INTS14: variants seen among roughly 807,000 people sequenced by gnomAD.
INTS14 encodes the protein UPF0464 protein C15orf44.
A neutral mutation model predicts 56.9 loss-of-function variants in INTS14; 27 were observed. That is an observed-to-expected ratio of 0.47 (90% CI 0.35 to 0.65). The LOEUF (loss-of-function observed/expected upper bound fraction) is 0.65. Among genes scored for constraint, INTS14 ranks in the 30% least tolerant of loss-of-function variants. INTS14 has a pLI of 0.00. For missense variants in INTS14, 517 were observed against 632.2 expected, an observed-to-expected ratio of 0.82 and a Z score of 1.95; for synonymous variants, 207 against 236.2, an observed-to-expected ratio of 0.88 and a Z score of 1.13.
intron 6 of INTS14, 139 bp downstream of exon 6, chr15:65,598,182 T>C (rs1409036376): frequency 3.7e-6 from 3 of 800,552 alleles, no homozygotes; most frequent in Admixed American, 3.1e-5. Context: ...CCAAGCATTT[T>C]GGGTAAGGAA....
intron 2 of INTS14, among the ~76,000 whole-genome samples, chr15:65,605,754 C>T (rs952620647): frequency 2.6e-5 from 4 of 152,142 alleles, no homozygotes. Flanking sequence ...GACTTCAGGG[C>T]TCCTGGTCTA....
Position 65,595,841 on chromosome 15 carries a change from C to A in INTS14, c.749-16G>T. ...ATTTCCAAATCTGAAATGAAGGAAT[C>A]AACACAGAATTAATTCATTCTATGG... On this transcript the variant is annotated splice_polypyrimidine_tract_variant and intron_variant, in intron 6 of 11. Transcript: ENST00000313182. The A allele has an allele frequency of 1.3e-6, 2 of 1,551,940 alleles. No homozygotes were observed. Among genetic ancestry groups the A allele is most frequent in the South Asian group, 2.3e-5 (2 of 85,774 alleles).
intron 6 of INTS14, 74 bp downstream of exon 6, chr15:65,598,247 A>G: frequency 7.0e-7 from 1 of 1,427,688 alleles, no homozygotes; most frequent in Admixed American, 1.9e-5. Context: ...GACAGAGAAG[A>G]GAGTAAAAGT....
intron 3 of INTS14, among the ~76,000 whole-genome samples, chr15:65,602,172 G>C (rs1471720559): frequency 1.3e-5 from 2 of 152,180 alleles, no homozygotes; most frequent in South Asian, 4.1e-4. Flanking sequence ...CCCGGAGGCA[G>C]AGGCTGCAGT....
Position 65,607,168 on chromosome 15 carries a change from A to G in INTS14, c.213T>C (p.Asn71=). 3 of 1,614,194 alleles carry G rather than the reference A, an allele frequency of 1.9e-6. No homozygotes were observed. The highest frequency in any genetic ancestry group is 2.5e-6 in the Non-Finnish European group (3 of 1,180,022). ...ELMVPFTRDY[N]TLQEALSNMD... ...TTACTACATTTTGTACCTGTAGGGT[A>G]TTATAATCTCTCGTGAAGGGGACCA... The change falls in exon 2 of 12, where the codon AAT becomes AAC. Residue 71 remains asparagine, a synonymous_variant. Transcript: ENST00000313182.
intron 9 of INTS14, among the ~76,000 whole-genome samples, chr15:65,585,954 A>C (rs1027410743): frequency 6.6e-6 from 1 of 152,200 alleles, no homozygotes; most frequent in Non-Finnish European, 1.5e-5. Context: ...ATTTGTCAAT[A>C]TATAAACCTT....
intron 9 of INTS14, among the ~76,000 whole-genome samples, chr15:65,586,128 T>C (rs1167611160): frequency 6.6e-6 from 1 of 152,162 alleles, no homozygotes; most frequent in African/African-American, 2.4e-5. Flanking sequence ...CCCCACTACG[T>C]AGCAAGCACT....
intron 3 of INTS14, among the ~76,000 whole-genome samples, chr15:65,600,279 C>G (rs1319569897): frequency 6.8e-6 from 1 of 146,810 alleles, no homozygotes; most frequent in Non-Finnish European, 1.5e-5. Context: ...TCACTGTACT[C>G]CAGCCTAGGC....
At chr15:65,599,984 G>C in intron 3 of INTS14, 55 bp from the exon 4 acceptor site, 1 of 1,558,764 alleles carries the variant, frequency 6.4e-7, no homozygotes, top group South Asian at 1.2e-5. Context: ...ATTTAACGCA[G>C]TCCCATTTAG....
chr15:65,611,108 T>C lies in INTS14; in HGVS notation c.-73A>G, dbSNP rs544988734. On this transcript the variant is annotated 5_prime_UTR_variant, in exon 1 of 12. It removes an upstream start codon present in the reference 5' UTR. Transcript: ENST00000313182. ...GGCCTCCCCACTCACCCCGTGCCCA[T>C]CGCCGGACACAGTCCGTCGGCATAA... The C allele has an allele frequency of 1.5e-4, 235 of 1,535,606 alleles. No homozygotes were observed. In the African/African-American group the frequency reaches 3.0e-3, roughly 20 times the overall value.
intron 3 of INTS14, among the ~76,000 whole-genome samples, chr15:65,604,281 A>G (rs1399034596): frequency 6.6e-6 from 1 of 152,016 alleles, no homozygotes; most frequent in East Asian, 1.9e-4. Context: ...TGGGGGTTTC[A>G]CCATGTTGGC....
chr15:65,593,270 A>C (rs1289599030), intron 8 of INTS14, among the ~76,000 whole-genome samples, 158 bp downstream of exon 8: 1 of 152,024 alleles, frequency 6.6e-6, no homozygotes, highest in Non-Finnish European at 1.5e-5. Flanking sequence ...AAAAAAACAA[A>C]AAAAAAGGAC....
intron 1 of INTS14, chr15:65,610,590 C>G: frequency 1.5e-6 from 2 of 1,373,128 alleles, no homozygotes; most frequent in Non-Finnish European, 2.0e-6. Flanking sequence ...GTTTGTAATT[C>G]TTCCCTGAAG....
chr15:65,596,563 C>A (rs969367488), intron 6 of INTS14, among the ~76,000 whole-genome samples: 6 of 151,984 alleles, frequency 3.9e-5, no homozygotes, highest in African/African-American at 1.5e-4. Context: ...ATGGTGAACA[C>A]CTTATATTTC....
Position 65,579,375 on chromosome 15 carries a change from A to G in INTS14, c.*33T>C. 1.3e-6 allele frequency: 2 copies of G among 1,596,354 alleles called. No individual in the cohort carries two copies. Among genetic ancestry groups the G allele is most frequent in the Non-Finnish European group, 1.7e-6 (2 of 1,167,360 alleles). ...TTTACCTAAAGCATTTTCAGTTGAA[A>G]TGAAAAAAGAAGGAAAGCTCCAAAA... On this transcript the variant is annotated 3_prime_UTR_variant, in exon 12 of 12. Coordinates refer to ENST00000313182, the MANE Select transcript of INTS14 (RefSeq NM_001394796.1).
chr15:65,610,483 G>A (rs948695022), intron 1 of INTS14, among the ~76,000 whole-genome samples: 4 of 133,954 alleles, frequency 3.0e-5, no homozygotes, highest in Middle Eastern at 4.2e-3. Flanking sequence ...CACGTGTACT[G>A]TTCAAACAAC....
intron 2 of INTS14, 28 bp from the exon 3 acceptor site, chr15:65,605,264 G>A: frequency 6.5e-7 from 1 of 1,546,422 alleles, no homozygotes; most frequent in Non-Finnish European, 8.9e-7. Flanking sequence ...AAAATTGCTA[G>A]TTACTCTTTA....
intron 11 of INTS14, among the ~76,000 whole-genome samples, chr15:65,580,885 A>G (rs2072580753): frequency 6.6e-6 from 1 of 152,226 alleles, no homozygotes. Flanking sequence ...ATGATTCTGC[A>G]GGGCTATCTC....
At chr15:65,610,395 A>G (rs986075309) in intron 1 of INTS14, among the ~76,000 whole-genome samples, 12 of 152,082 alleles carry the variant, frequency 7.9e-5, no homozygotes, top group Admixed American at 7.9e-4. Flanking sequence ...CAGTCTACCA[A>G]TTTTGTGAGC....
Sources: allele counts gnomAD v4.1 joint callset (sites outside exome capture counted in the v4.1 genomes callset), GRCh38; gene constraint gnomAD v4.1.1; transcripts MANE v1.5; gene names NCBI Gene and HGNC (gene_info 2026-07-23, HGNC 2026-07-21).